ABCA12: variants seen among roughly 807,000 people sequenced by gnomAD.
ABCA12 encodes ATP binding cassette subfamily A member 12, also known as glucosylceramide transporter ABCA12.
A neutral mutation model predicts 293.5 loss-of-function variants in ABCA12; 156 were observed. That is an observed-to-expected ratio of 0.53 (90% confidence interval 0.47 to 0.61). The LOEUF is 0.61. Ranked by LOEUF, ABCA12 falls within the 20% of genes least tolerant of loss-of-function variation. The probability of loss-of-function intolerance (pLI) is 0.00; values close to 1 mark genes in which losing one functional copy is unlikely to be tolerated. For synonymous variants in ABCA12, 1,063 were observed against 1,108.0 expected (o/e 0.96, Z 0.81); for missense variants, 2,797 against 3,090.2 (o/e 0.91, Z 2.25).
chr2:215,021,864 GT>G (rs1489913289), intron 11 of ABCA12: 1 of 152,076 alleles, frequency 6.6e-6, no homozygotes, highest in Non-Finnish European at 1.5e-5. Flanking sequence ...TAATATTATA[GT>G]TGACCTCTGG....
chr2:215,052,466 T>C, intron 5 of ABCA12, 21 bp downstream of exon 5: 1 of 1,597,384 alleles, frequency 6.3e-7, no homozygotes, highest in Non-Finnish European at 8.6e-7. Flanking sequence ...CTCTACCCAT[T>C]ACAAAATTGA....
chr2:215,075,190 G>T (rs1294433219), intron 2 of ABCA12, among the ~76,000 whole-genome samples: 1 of 152,050 alleles, frequency 6.6e-6, no homozygotes, highest in East Asian at 1.9e-4. Context: ...CAAAGAGGGG[G>T]GAAAATTGAG....
At chr2:215,010,212 G>T in intron 18 of ABCA12, 119 bp downstream of exon 18, 1 of 1,281,192 alleles carries the variant, frequency 7.8e-7, no homozygotes, top group East Asian at 2.4e-5. Context: ...GAAAGCCAAG[G>T]ATAATAATAA....
intron 2 of ABCA12, among the ~76,000 whole-genome samples, chr2:215,074,135 C>T (rs778390727): frequency 8.5e-5 from 13 of 152,136 alleles, no homozygotes; most frequent in Non-Finnish European, 1.3e-4. Context: ...CCATGGGGCA[C>T]ACTTTGGAAA....
At chr2:215,012,826 T>C (rs957448402) in intron 15 of ABCA12, among the ~76,000 whole-genome samples, 1 of 152,178 alleles carries the variant, frequency 6.6e-6, no homozygotes, top group African/African-American at 2.4e-5. Flanking sequence ...AAATAGATGA[T>C]TTTATAAGTC....
At position 214,955,254 on chromosome 2, in the gene ABCA12, A is replaced by G. The variant is rs768869218; in HGVS notation, c.6341T>C (p.Ile2114Thr). The G allele has an allele frequency of 3.1e-6, 5 of 1,614,186 alleles. No homozygotes were observed. The highest frequency in any genetic ancestry group is 1.1e-5 in the South Asian group (1 of 91,088). Residue 2114 changes from isoleucine to threonine, a missense_variant, in exon 43 of 53, where the codon ATT becomes ACT. Ile to Thr is a moderately conservative substitution (Grantham distance 89). This residue lies in a region of ABCA12 where 2,130 missense variants were observed against 2,427.0 expected (regional missense o/e 0.88). Transcript: ENST00000272895. ...AAAGTATACCACTGACAGGGAAACA[A>G]TGGAATTAATGCCAAAAAACAAGTT... ...CVNLFFGINS[I>T]VSLSVVYFLS...
chr2:214,971,764 G>T (rs1399055405), intron 36 of ABCA12, among the ~76,000 whole-genome samples: 1 of 152,104 alleles, frequency 6.6e-6, no homozygotes, highest in Non-Finnish European at 1.5e-5. Flanking sequence ...TTTCTGATGG[G>T]TATATAGTAA....
At chr2:215,123,573 T>C (rs1358225907) in intron 1 of ABCA12, among the ~76,000 whole-genome samples, 2 of 152,186 alleles carry the variant, frequency 1.3e-5, no homozygotes, top group African/African-American at 4.8e-5. Context: ...AGTGCATGTG[T>C]CCTTTGGGTG....
chr2:215,070,646 G>T (rs1277536312), intron 2 of ABCA12, among the ~76,000 whole-genome samples: 1 of 145,692 alleles, frequency 6.9e-6, no homozygotes, highest in Non-Finnish European at 1.5e-5. Flanking sequence ...TTGTTTTTTT[G>T]TCCTTGTGAT....
At chr2:214,976,386 T>C (rs987474562) in intron 33 of ABCA12, among the ~76,000 whole-genome samples, 5 of 152,222 alleles carry the variant, frequency 3.3e-5, no homozygotes, top group African/African-American at 1.2e-4. Flanking sequence ...AAAGTCTCAA[T>C]GCAGACCCAG....
At chr2:214,971,633 T>C (rs1386009903) in intron 36 of ABCA12, among the ~76,000 whole-genome samples, 4 of 152,238 alleles carry the variant, frequency 2.6e-5, no homozygotes, top group Non-Finnish European at 5.9e-5. Flanking sequence ...TTATTATGAT[T>C]ATGAGAATCT....
chr2:215,129,425 A>G (rs900945738), intron 1 of ABCA12, among the ~76,000 whole-genome samples: 2 of 152,074 alleles, frequency 1.3e-5, no homozygotes, highest in Admixed American at 1.3e-4. Context: ...AGCCATTCTG[A>G]CTTGTGTAAG....
At chr2:215,100,197 T>A (rs1010458343) in intron 2 of ABCA12, among the ~76,000 whole-genome samples, 6 of 152,118 alleles carry the variant, frequency 3.9e-5, no homozygotes, top group African/African-American at 1.2e-4. Flanking sequence ...TATTTTTATT[T>A]TTTTGTAGAG....
intron 34 of ABCA12, 30 bp from the exon 35 acceptor site, chr2:214,974,894 A>G: frequency 6.3e-7 from 1 of 1,576,814 alleles, no homozygotes. Context: ...AAACAAATTC[A>G]TGATTTTTCT....
chr2:215,075,332 A>G (rs1701813978), intron 2 of ABCA12, among the ~76,000 whole-genome samples: 1 of 152,150 alleles, frequency 6.6e-6, no homozygotes, highest in South Asian at 2.1e-4. Flanking sequence ...ATCAGAGAAA[A>G]TGCCCTTTTC....
chr2:215,021,753 G>A (rs1014533483), intron 11 of ABCA12, among the ~76,000 whole-genome samples: 47 of 146,930 alleles, frequency 3.2e-4, no homozygotes, highest in African/African-American at 1.1e-3. Flanking sequence ...AAGGCACAAT[G>A]ATATGTCTTT....
intron 50 of ABCA12, among the ~76,000 whole-genome samples, chr2:214,941,126 C>G (rs1049500220): frequency 1.3e-5 from 2 of 152,194 alleles, no homozygotes; most frequent in Admixed American, 6.5e-5. Context: ...CCTCTAAACA[C>G]TGCTTTAGCT....
chr2:214,982,858 G>A (rs1250160505), intron 29 of ABCA12, among the ~76,000 whole-genome samples: 4 of 152,010 alleles, frequency 2.6e-5, no homozygotes, highest in African/African-American at 4.8e-5. Context: ...GGTGATAAGT[G>A]CAATTAAAAA....
rs1397738380 is a variant in ABCA12 at position 214,986,876 on chromosome 2, T to A, written c.3977-148A>T. The A allele has an allele frequency of 1.0e-5, 8 of 763,270 alleles. No individual in the cohort carries two copies. The East Asian group carries it at 1.9e-4, about 18-fold the overall frequency. The allele number at this position is 763,270 out of a possible 1,614,324, so 47.3% of individuals were successfully genotyped here. ...TCCAGAAACAAATGATTTATTATAG[T>A]CTTCAGCCTCCTCACTTGGTTGCAG... is the stretch of plus-strand genomic sequence containing the variant. On this transcript the variant is annotated intron_variant, in intron 27 of 52. Coordinates refer to ENST00000272895, the MANE Select transcript of ABCA12 (RefSeq NM_173076.3).
Sources: allele counts gnomAD v4.1 joint callset (sites outside exome capture counted in the v4.1 genomes callset), GRCh38; gene constraint gnomAD v4.1.1; regional missense constraint gnomAD v4.1.1; transcripts MANE v1.5; gene names NCBI Gene and HGNC (gene_info 2026-07-23, HGNC 2026-07-21).